MIPOL1: variants seen among roughly 807,000 people sequenced by gnomAD.
MIPOL1 encodes the protein mirror-image polydactyly 1, also known as mirror-image polydactyly gene 1 protein.
A neutral mutation model predicts 60.9 loss-of-function variants in MIPOL1; 57 were observed. The ratio of observed to expected loss-of-function variants is 0.94; its 90% CI spans 0.76 to 1.17. The LOEUF (loss-of-function observed/expected upper bound fraction) is 1.17. Ranked by LOEUF, MIPOL1 falls within the 50% of genes most tolerant of loss-of-function variation. The pLI, the probability that MIPOL1 is intolerant of heterozygous loss-of-function variation, is 0.00. For synonymous variants in MIPOL1, 179 were observed against 168.8 expected (o/e 1.06, Z -0.47); for missense variants, 551 against 511.6 (o/e 1.08, Z -0.74).
intron 11 of MIPOL1, among the ~76,000 whole-genome samples, chr14:37,431,569 C>CTTTTTTTTTTTTTTTTTTTT: frequency 1.5e-5 from 1 of 64,832 alleles, no homozygotes; most frequent in Non-Finnish European, 2.6e-5. Flanking sequence ...ATCTCTGTTT[C>CTTTTTTTTTTTTTTTTTTTT]TTTTTTTTTT....
intron 3 of MIPOL1, among the ~76,000 whole-genome samples, chr14:37,262,777 A>C (rs1323105673): frequency 2.0e-5 from 3 of 152,132 alleles, no homozygotes; most frequent in Non-Finnish European, 2.9e-5. Context: ...GGATGTTGCT[A>C]TTCTGAGTAA....
chr14:37,535,439 A>G (rs2095501681), intron 12 of MIPOL1, among the ~76,000 whole-genome samples: 1 of 152,190 alleles, frequency 6.6e-6, no homozygotes. Flanking sequence ...TCTAAAAGAC[A>G]AGCTTAATGC....
chr14:37,383,987 A>C (rs1349395230), intron 10 of MIPOL1, among the ~76,000 whole-genome samples: 1 of 151,866 alleles, frequency 6.6e-6, no homozygotes, highest in Non-Finnish European at 1.5e-5. Context: ...TTGTTTGTGT[A>C]CTATTAGATG....
At chr14:37,324,087 G>A (rs971929397) in intron 9 of MIPOL1, among the ~76,000 whole-genome samples, 1 of 151,946 alleles carries the variant, frequency 6.6e-6, no homozygotes, top group Non-Finnish European at 1.5e-5. Flanking sequence ...CCTAAGAGTG[G>A]AATTGCTGGA....
chr14:37,458,667 T>TAC (rs913733091), intron 11 of MIPOL1, among the ~76,000 whole-genome samples: 1 of 149,998 alleles, frequency 6.7e-6, no homozygotes, highest in Non-Finnish European at 1.5e-5. Context: ...AAAAAAAAAA[T>TAC]ACACACACAC....
chr14:37,369,951 A>G (rs1410940215), intron 10 of MIPOL1: 2 of 156,750 alleles, frequency 1.3e-5, no homozygotes, highest in Middle Eastern at 3.4e-3. Context: ...AAATTAAATC[A>G]TGGGCCTTTG....
chr14:37,534,100 GAAA>G (rs1299490979), intron 12 of MIPOL1, among the ~76,000 whole-genome samples: 1 of 146,584 alleles, frequency 6.8e-6, no homozygotes, highest in Non-Finnish European at 1.5e-5. Context: ...AAAAAAGGAA[GAAA>G]AAGAAGAAGA....
At chr14:37,386,957 C>T (rs1050011083) in intron 10 of MIPOL1, among the ~76,000 whole-genome samples, 7 of 151,778 alleles carry the variant, frequency 4.6e-5, no homozygotes, top group Non-Finnish European at 8.8e-5. Context: ...CCAACAGAGC[C>T]AATTGATAAT....
At chr14:37,445,551 T>C (rs1433158818) in intron 11 of MIPOL1, among the ~76,000 whole-genome samples, 1 of 151,328 alleles carries the variant, frequency 6.6e-6, no homozygotes, top group Non-Finnish European at 1.5e-5. Context: ...ATGACTTTCT[T>C]CACAGAATTG....
At chr14:37,357,745 G>T (rs2091943350) in intron 9 of MIPOL1, among the ~76,000 whole-genome samples, 1 of 151,100 alleles carries the variant, frequency 6.6e-6, no homozygotes, top group Non-Finnish European at 1.5e-5. Context: ...CCTTTGCTGT[G>T]CAGAAGATTT....
chr14:37,463,394 C>A (rs1271914770), intron 11 of MIPOL1, among the ~76,000 whole-genome samples: 10 of 152,046 alleles, frequency 6.6e-5, no homozygotes, highest in Non-Finnish European at 1.2e-4. Flanking sequence ...TATATCAGTA[C>A]AGATAGAAAA....
chr14:37,368,838 TTTAAC>T (rs2092557195), intron 9 of MIPOL1, among the ~76,000 whole-genome samples: 1 of 152,104 alleles, frequency 6.6e-6, no homozygotes, highest in Non-Finnish European at 1.5e-5. Context: ...TCATTGAAAC[TTTAAC>T]TTATTATTTT....
At chr14:37,419,355 C>T (rs1312510350) in intron 10 of MIPOL1, among the ~76,000 whole-genome samples, 1 of 152,128 alleles carries the variant, frequency 6.6e-6, no homozygotes, top group Non-Finnish European at 1.5e-5. Context: ...GAAAAGAAGG[C>T]ATTGACTCCA....
At chr14:37,446,465 C>G (rs2094336819) in intron 11 of MIPOL1, among the ~76,000 whole-genome samples, 1 of 152,104 alleles carries the variant, frequency 6.6e-6, no homozygotes, top group Admixed American at 6.5e-5. Flanking sequence ...AACACTTTTA[C>G]ACTGTTGATG....
At chr14:37,302,262 G>GTTTTTTTTTTTTTTT (rs57468146) in intron 7 of MIPOL1, among the ~76,000 whole-genome samples, 10 of 95,032 alleles carry the variant, frequency 1.1e-4, no homozygotes, top group Non-Finnish European at 1.3e-4. Context: ...TGGAACTGTT[G>GTTTTTTTTTTTTTTT]TTTTTTTTTT....
At chr14:37,520,686 T>C (rs1034260364) in intron 12 of MIPOL1, among the ~76,000 whole-genome samples, 7 of 152,138 alleles carry the variant, frequency 4.6e-5, no homozygotes, top group Admixed American at 6.5e-5. Context: ...AAGAAGTTAA[T>C]TTACATTGAT....
chr14:37,258,175 T>C (rs1323609131), intron 3 of MIPOL1, among the ~76,000 whole-genome samples: 1 of 152,186 alleles, frequency 6.6e-6, no homozygotes, highest in Non-Finnish European at 1.5e-5. Context: ...TATTTTGTTT[T>C]CCAAATCTAA....
intron 12 of MIPOL1, among the ~76,000 whole-genome samples, chr14:37,538,711 G>C (rs2095517303): frequency 1.3e-5 from 2 of 152,154 alleles, no homozygotes; most frequent in South Asian, 4.1e-4. Flanking sequence ...TTCTGAACAA[G>C]GTCTCAGGAG....
chr14:37,344,738 A>G (rs1161344015), intron 9 of MIPOL1, among the ~76,000 whole-genome samples: 1 of 152,210 alleles, frequency 6.6e-6, no homozygotes, highest in African/African-American at 2.4e-5. Context: ...AAATTTATAT[A>G]TAAAGAGTGA....
Sources: gnomAD v4.1 joint callset for allele counts (sites outside exome capture counted in the v4.1 genomes callset) on GRCh38, gnomAD v4.1.1 for gene constraint, MANE v1.5 for transcripts, NCBI Gene and HGNC (gene_info 2026-07-23, HGNC 2026-07-21) for gene names.